Variants in CGA observed in about 807,000 individuals in gnomAD.
CGA encodes the protein glycoprotein hormones, alpha polypeptide, also known as glycoprotein hormones alpha chain.
CGA carries 4 observed loss-of-function variants against 12.0 expected under a neutral mutation model. The observed-to-expected ratio is 0.33, with a 90% confidence interval of 0.16 to 0.76. The LOEUF (loss-of-function observed/expected upper bound fraction) is 0.76. Among genes scored for constraint, CGA ranks in the 30% least tolerant of loss-of-function variants. CGA has a pLI of 0.60. For synonymous variants in CGA, 60 were observed against 56.6 expected (o/e 1.06, Z -0.27); for missense variants, 102 against 143.5 (o/e 0.71, Z 1.48).
At chr6:87,086,499 C>A (rs1394234230) in intron 2 of CGA, 65 bp from the exon 3 acceptor site, 3 of 1,481,134 alleles carry the variant, frequency 2.0e-6, no homozygotes, top group Non-Finnish European at 9.2e-7. Flanking sequence ...TCTATGAGGC[C>A]AGCACAGTAG....
At chr6:87,089,255 A>G (rs1169995190) in intron 1 of CGA, 1 of 152,218 alleles carries the variant, frequency 6.6e-6, no homozygotes, top group East Asian at 1.9e-4. Context: ...GAGGGTGAGT[A>G]TGGCTCTAAA....
chr6:87,088,127 G>A lies in CGA; in HGVS notation c.74C>T (p.Ala25Val). Residue 25 changes from alanine (A) to valine (V), a missense_variant, in exon 2 of 4, where the codon GCT becomes GTT. By Grantham distance (64) the Ala-to-Val change is moderately conservative. Transcript: ENST00000627148. The part of the protein sequence containing the change: ...LSVFLHVLHS[A>V]PDVQDCPECT... ...TGGTCACGCACCCTGCACATCAGGA[G>A]CGGAATGGAGAACATGCAGAAACAC... 1 of 1,596,906 alleles carries A rather than the reference G, an allele frequency of 6.3e-7. No individual in the cohort carries two copies. The highest frequency in any genetic ancestry group is 1.7e-5 in the Admixed American group (1 of 58,792).
chr6:87,086,842 C>T (rs1479306162), intron 2 of CGA, among the ~76,000 whole-genome samples: 1 of 151,966 alleles, frequency 6.6e-6, no homozygotes, highest in Admixed American at 6.6e-5. Context: ...CTTTGGGAGG[C>T]TGAGGCAGGT....
intron 1 of CGA, chr6:87,088,805 A>G (rs958966808): frequency 1.3e-5 from 2 of 152,382 alleles, no homozygotes; most frequent in South Asian, 4.1e-4. Flanking sequence ...GTGGGAATAC[A>G]AAATGGTACA....
chr6:87,093,548 C>T (rs945350972), intron 1 of CGA, among the ~76,000 whole-genome samples: 30 of 152,270 alleles, frequency 2.0e-4, no homozygotes, highest in African/African-American at 6.7e-4. Context: ...GATTCACAAC[C>T]TGTAAAAATG....
intron 2 of CGA, 44 bp from the exon 3 acceptor site, chr6:87,086,478 C>G (rs1166304923): frequency 6.4e-7 from 1 of 1,554,124 alleles, no homozygotes; most frequent in East Asian, 2.2e-5. Context: ...CCAAAAAAGA[C>G]TCAAAAAGAA....
intron 1 of CGA, among the ~76,000 whole-genome samples, chr6:87,093,665 G>A (rs1004946185): frequency 8.5e-5 from 13 of 152,160 alleles, no homozygotes; most frequent in Admixed American, 2.0e-4. Context: ...TAAGCAAGAC[G>A]TACATTACCT....
At chr6:87,088,561 C>A (rs1358477074) in intron 1 of CGA, among the ~76,000 whole-genome samples, 3 of 151,914 alleles carry the variant, frequency 2.0e-5, no homozygotes, top group South Asian at 4.2e-4. Flanking sequence ...AAACATGGAA[C>A]TTAAACTAGA....
At chr6:87,085,932 C>T in intron 3 of CGA, 99 bp from the exon 4 acceptor site, 1 of 867,428 alleles carries the variant, frequency 1.2e-6, no homozygotes, top group South Asian at 1.5e-5. Flanking sequence ...TTGCATTCTG[C>T]TGAAATAAGT....
chr6:87,086,638 T>G, intron 2 of CGA: 1 of 528,670 alleles, frequency 1.9e-6, no homozygotes, highest in Non-Finnish European at 3.3e-6. Context: ...CAACAAAAAT[T>G]AGCCAGACGT....
At chr6:87,093,993 G>A (rs73753695) in intron 1 of CGA, among the ~76,000 whole-genome samples, 92 of 152,182 alleles carry the variant, frequency 6.0e-4, no homozygotes, top group Middle Eastern at 3.4e-3. Context: ...CAAGAATATA[G>A]CAATGTATTA....
chr6:87,088,633 G>T (rs1014609561), intron 1 of CGA, among the ~76,000 whole-genome samples: 6 of 151,932 alleles, frequency 3.9e-5, no homozygotes, highest in African/African-American at 1.5e-4. Flanking sequence ...ATCATTTGAT[G>T]GAGGATAAAC....
At chr6:87,089,653 A>G (rs1419002082) in intron 1 of CGA, among the ~76,000 whole-genome samples, 1 of 152,216 alleles carries the variant, frequency 6.6e-6, no homozygotes, top group Non-Finnish European at 1.5e-5. Context: ...AATAGGGCTG[A>G]GTTTCTGCTA....
At position 87,085,591 on chromosome 6, in the gene CGA, T is replaced by C. The variant is rs917952345; in HGVS notation, c.*165A>G. On this transcript the variant is annotated 3_prime_UTR_variant, in exon 4 of 4. Transcript: ENST00000627148. ...AAGAACTAGACTGCTGATTGTACTG[T>C]AGGATAAGGAGGAAGGCAGTAAAGC... is the stretch of plus-strand genomic sequence containing the variant. 1 of 610,564 alleles carries C rather than the reference T, an allele frequency of 1.6e-6. No homozygotes were observed. The allele number at this position is 610,564 out of a possible 1,614,324, so 37.8% of individuals were successfully genotyped here.
chr6:87,088,953 A>G (rs1412031665), intron 1 of CGA: 1 of 152,226 alleles, frequency 6.6e-6, no homozygotes, highest in African/African-American at 2.4e-5. Flanking sequence ...ATAAATATTC[A>G]TAGAAACTTT....
Position 87,088,413 on chromosome 6 carries a change from T to C in CGA, c.-7-206A>G, listed in dbSNP as rs58447011. 2.7e-3 allele frequency among the ~76,000 whole-genome samples: 409 copies of C among 152,186 alleles called. 1 individual carries two copies. Among genetic ancestry groups the C allele is most frequent in the African/African-American group, 6.5e-3 (272 of 41,528 alleles). Reference sequence around the variant, plus strand: ...TCTCCTTAGGAAAGAGATAGATAACTGAATCTTCCCATTTCTCACATTAAC... The same window carrying C: ...TCTCCTTAGGAAAGAGATAGATAACCGAATCTTCCCATTTCTCACATTAAC... On this transcript the variant is annotated intron_variant, in intron 1 of 3. Transcript: ENST00000627148.
chr6:87,091,579 A>G (rs1052141447), intron 1 of CGA, among the ~76,000 whole-genome samples: 4 of 152,206 alleles, frequency 2.6e-5, no homozygotes, highest in African/African-American at 4.8e-5. Flanking sequence ...AAGGCCCTGT[A>G]CACACAACCT....
In CGA at chr6:87,088,175, G is replaced by T; in HGVS notation, c.26C>A (p.Ala9Asp). Reference sequence around the variant, plus strand: ...CACCGACAATGTGACCAGAAAGATAGCTGCATATTTTCTGTAGTAATCCAT... The same window carrying T: ...CACCGACAATGTGACCAGAAAGATATCTGCATATTTTCTGTAGTAATCCAT... MDYYRKYA[A>D]IFLVTLSVFL... is the part of the protein sequence containing the mutation. The change falls in exon 2 of 4, where the codon GCT becomes GAT. Residue 9 changes from alanine (A) to aspartate (D), a missense_variant. Coordinates refer to ENST00000627148, the MANE Select transcript of CGA (RefSeq NM_000735.4). 6.3e-7 allele frequency: 1 copy of T among 1,587,050 alleles called. No individual in the cohort carries two copies. Among genetic ancestry groups the T allele is most frequent in the Non-Finnish European group, 8.6e-7 (1 of 1,167,242 alleles).
chr6:87,086,679 G>A, intron 2 of CGA: 1 of 416,336 alleles, frequency 2.4e-6, no homozygotes, highest in South Asian at 4.2e-5. Context: ...CCAGCTGCTT[G>A]AGGGTCTGGG....
Sources: allele counts gnomAD v4.1 joint callset (sites outside exome capture counted in the v4.1 genomes callset), GRCh38; gene constraint gnomAD v4.1.1; transcripts MANE v1.5; gene names NCBI Gene and HGNC (gene_info 2026-07-23, HGNC 2026-07-21).